PCDHGA11: variants seen among roughly 807,000 people sequenced by gnomAD.
The protein encoded by PCDHGA11 is protocadherin gamma subfamily A, 11.
PCDHGA11 carries 39 observed loss-of-function variants against 60.4 expected under a neutral mutation model. The observed-to-expected ratio is 0.65, with a 90% CI of 0.50 to 0.84. The LOEUF (loss-of-function observed/expected upper bound fraction) is 0.84. PCDHGA11 is among the 40% of genes least tolerant of loss of function. The probability of loss-of-function intolerance (pLI) is 0.00; values close to 1 mark genes in which losing one functional copy is unlikely to be tolerated. For synonymous variants in PCDHGA11, 533 were observed against 510.3 expected, an observed-to-expected ratio of 1.04 and a Z score of -0.60; for missense variants, 1,165 against 1,197.7, an observed-to-expected ratio of 0.97 and a Z score of 0.40.
At chr5:141,474,756 T>C (rs2099354156) in intron 1 of PCDHGA11, among the ~76,000 whole-genome samples, 1 of 152,244 alleles carries the variant, frequency 6.6e-6, no homozygotes, top group Non-Finnish European at 1.5e-5. Flanking sequence ...AAGACAAATA[T>C]ACAGAAATAG....
rs1561800810 is a variant in PCDHGA11, at chr5:141,422,328, T to C, written c.1101T>C (p.Ile367=). The C allele has an allele frequency of 2.6e-6, 4 of 1,548,502 alleles. No individual in the cohort carries two copies. Among genetic ancestry groups the C allele is most frequent in the Non-Finnish European group, 2.6e-6 (3 of 1,153,834 alleles). Residue 367 remains isoleucine, a synonymous_variant, in exon 1 of 4, where the codon ATT becomes ATC. Transcript: ENST00000398587. ...AAAACTCTCCTCCAGGTACAGTGAT[T>C]GCTCTTCTAAATGTGCAAGATCAAG... is the stretch of plus-strand genomic sequence containing the variant. ...ILENSPPGTV[I]ALLNVQDQDS...
intron 1 of PCDHGA11, among the ~76,000 whole-genome samples, chr5:141,445,441 C>G (rs1201825256): frequency 6.6e-6 from 1 of 152,152 alleles, no homozygotes; most frequent in East Asian, 1.9e-4. Context: ...GACCTATGGA[C>G]TAAGGATGCA....
intron 1 of PCDHGA11, among the ~76,000 whole-genome samples, chr5:141,437,064 G>T (rs1380953110): frequency 6.6e-6 from 1 of 152,170 alleles, no homozygotes; most frequent in Non-Finnish European, 1.5e-5. Flanking sequence ...ATCATTATTT[G>T]GTTTGGGCCA....
intron 1 of PCDHGA11, among the ~76,000 whole-genome samples, chr5:141,435,157 A>G (rs1387976305): frequency 6.6e-6 from 1 of 152,176 alleles, no homozygotes; most frequent in Non-Finnish European, 1.5e-5. Context: ...AAACTTTTGT[A>G]AATAGAGTGG....
chr5:141,476,483 G>A lies in PCDHGA11; in HGVS notation c.2434-18324G>A. On this transcript the variant is annotated intron_variant, in intron 1 of 3. Coordinates refer to ENST00000398587, the MANE Select transcript of PCDHGA11 (RefSeq NM_018914.3). The surrounding 1 kb of genome is among the most constrained non-coding windows in gnomAD (Gnocchi z 7.6). The stretch of plus-strand genomic sequence containing the variant: ...CCCGCTGGAGCTGTTCAGCGTGGAA[G>A]TGGTGATCCAGGACATCAACGACAA... The A allele has an allele frequency of 3.1e-6, 5 of 1,614,166 alleles. No individual in the cohort carries two copies. Among genetic ancestry groups the A allele is most frequent in the Non-Finnish European group, 4.2e-6 (5 of 1,180,034 alleles).
At position 141,422,108 on chromosome 5, in the gene PCDHGA11, A is replaced by G. The variant is rs766617894; in HGVS notation, c.881A>G (p.Gln294Arg). 4.4e-6 allele frequency: 7 copies of G among 1,606,984 alleles called. No homozygotes were observed. In the East Asian group the frequency reaches 1.6e-4, roughly 36 times the overall value. ...GAAAGCAAGGCTTCTGAAATATTCCAATTGGATTCACAAACTGGAGAAGTT... is the reference window on the plus strand; with the variant it reads ...GAAAGCAAGGCTTCTGAAATATTCCGATTGGATTCACAAACTGGAGAAGTT... Reference protein sequence around the residue: ...NMESKASEIFQLDSQTGEVQV... With the variant: ...NMESKASEIFRLDSQTGEVQV... Residue 294 changes from glutamine to arginine, a missense_variant, in exon 1 of 4, where the codon CAA becomes CGA. Physicochemically the swap from Gln to Arg is conservative, Grantham distance 43. Transcript: ENST00000398587.
intron 1 of PCDHGA11, among the ~76,000 whole-genome samples, chr5:141,463,527 G>C (rs12109431): frequency 1.5e-5 from 2 of 131,102 alleles, no homozygotes; most frequent in Non-Finnish European, 3.1e-5. Context: ...CGGCTTACTA[G>C]AAACTCCGGC....
intron 1 of PCDHGA11, chr5:141,441,387 G>A (rs2098243952): frequency 6.5e-6 from 1 of 153,712 alleles, no homozygotes; most frequent in Non-Finnish European, 1.5e-5. Flanking sequence ...CAGACCCAAG[G>A]TATAACATCA....
In PCDHGA11 at chr5:141,451,946, G is replaced by A. The variant is rs146934262; in HGVS notation, c.2433+28286G>A. On this transcript the variant is annotated intron_variant, in intron 1 of 3. Coordinates refer to ENST00000398587, the MANE Select transcript of PCDHGA11 (RefSeq NM_018914.3). ...GGAGGTAGGGAGGCAGGGAAAGACC[G>A]AGAAAGTGACATACCATCATTTTTG... Among the ~76,000 whole-genome samples, 240 of 152,218 alleles carry A rather than the reference G, an allele frequency of 1.6e-3. 1 individual carries two copies. Among genetic ancestry groups the A allele is most frequent in the Non-Finnish European group, 2.9e-3 (195 of 68,026 alleles).
At chr5:141,473,343 T>G (rs1309426537) in intron 1 of PCDHGA11, among the ~76,000 whole-genome samples, 1 of 152,218 alleles carries the variant, frequency 6.6e-6, no homozygotes, top group African/African-American at 2.4e-5. Context: ...TGCTAGACAG[T>G]GAGGATGCAA....
In PCDHGA11 at chr5:141,491,556, C is replaced by T. The variant is rs2099720720; in HGVS notation, c.2434-3251C>T. The T allele has an allele frequency of 1.2e-6, 2 of 1,613,848 alleles. No homozygotes were observed. The highest frequency in any genetic ancestry group is 1.7e-5 in the Admixed American group (1 of 60,000). ...TGCGGCCCACAGACTCGCAGAGCCA[C>T]TGCTACAGGACGTGCTTTTCACCGG... On this transcript the variant is annotated intron_variant, in intron 1 of 3. Transcript: ENST00000398587. The surrounding 1 kb of genome is among the most constrained non-coding windows in gnomAD (Gnocchi z 6.9).
chr5:141,438,658 G>GTA (rs2098048375), intron 1 of PCDHGA11, among the ~76,000 whole-genome samples: 7 of 77,996 alleles, frequency 9.0e-5, no homozygotes, highest in African/African-American at 1.9e-4. Flanking sequence ...ACACATATAT[G>GTA]TATATATATA....
At chr5:141,425,296 T>A (rs1283179158) in intron 1 of PCDHGA11, among the ~76,000 whole-genome samples, 1 of 152,194 alleles carries the variant, frequency 6.6e-6, no homozygotes, top group Non-Finnish European at 1.5e-5. Flanking sequence ...TAAAACCTCA[T>A]CTAAACTAAC....
intron 1 of PCDHGA11, among the ~76,000 whole-genome samples, chr5:141,466,268 T>A (rs568525260): frequency 6.6e-6 from 1 of 152,150 alleles, no homozygotes; most frequent in Non-Finnish European, 1.5e-5. Context: ...CCTCGTGAGC[T>A]CAAGCAATCT....
At chr5:141,453,175 A>G (rs928062909) in intron 1 of PCDHGA11, among the ~76,000 whole-genome samples, 2 of 152,088 alleles carry the variant, frequency 1.3e-5, no homozygotes, top group African/African-American at 4.8e-5. Context: ...GTCCAGTGGT[A>G]CAATCACAGC....
chr5:141,456,426 A>G (rs2098857765), intron 1 of PCDHGA11, among the ~76,000 whole-genome samples: 1 of 152,210 alleles, frequency 6.6e-6, no homozygotes, highest in Non-Finnish European at 1.5e-5. Context: ...AATTCAAGTT[A>G]TAGTATTGAG....
Position 141,421,535 on chromosome 5 carries a change from G to A in PCDHGA11, c.308G>A (p.Cys103Tyr). The change falls in exon 1 of 4, where the codon TGT becomes TAT. Residue 103 changes from cysteine (C) to tyrosine (Y), a missense_variant. By Grantham distance (194) the Cys-to-Tyr change is radical. Transcript: ENST00000398587. ...REELCETVSS[C>Y]FLNMELLVED... Reference sequence around the variant, plus strand: ...GAGCTCTGTGAGACGGTGTCCTCCTGTTTTTTAAATATGGAACTTCTCGTG... The same window carrying A: ...GAGCTCTGTGAGACGGTGTCCTCCTATTTTTTAAATATGGAACTTCTCGTG... 7 of 1,614,032 alleles carry A rather than the reference G, an allele frequency of 4.3e-6. No individual in the cohort carries two copies. The highest frequency in any genetic ancestry group is 2.2e-5 in the East Asian group (1 of 44,880).
rs753845173 is a variant in PCDHGA11, at chr5:141,490,873, C to T, written c.2434-3934C>T. On this transcript the variant is annotated intron_variant, in intron 1 of 3. Coordinates refer to ENST00000398587, the MANE Select transcript of PCDHGA11 (RefSeq NM_018914.3). The surrounding 1 kb of genome is among the most constrained non-coding windows in gnomAD (Gnocchi z 5.4). Reference sequence around the variant, plus strand: ...TCGAGACTCCGGCTCTCCCCCATTGCATGCCAACACATCTCTGCATGTGTT... The same window carrying T: ...TCGAGACTCCGGCTCTCCCCCATTGTATGCCAACACATCTCTGCATGTGTT... 5.6e-6 allele frequency: 9 copies of T among 1,613,884 alleles called. No homozygotes were observed. The highest frequency in any genetic ancestry group is 7.6e-6 in the Non-Finnish European group (9 of 1,179,908).
chr5:141,459,444 T>C (rs1485634547), intron 1 of PCDHGA11, among the ~76,000 whole-genome samples: 1 of 152,244 alleles, frequency 6.6e-6, no homozygotes, highest in Non-Finnish European at 1.5e-5. Context: ...TTCATTCAAC[T>C]GTTGGTGGAC....
Sources: allele counts gnomAD v4.1 joint callset (sites outside exome capture counted in the v4.1 genomes callset), GRCh38; gene constraint gnomAD v4.1.1; non-coding constraint Gnocchi (gnomAD v3.1); transcripts MANE v1.5; gene names NCBI Gene and HGNC (gene_info 2026-07-23, HGNC 2026-07-21).